The following STRN3 variants were observed in gnomAD, a reference collection of about 807,000 sequenced individuals.
The protein encoded by STRN3 is striatin-3.
In STRN3, 29 loss-of-function variants were observed where a neutral mutation model predicts 95.6. The observed-to-expected ratio is 0.30, with a 90% CI of 0.23 to 0.41. The LOEUF (loss-of-function observed/expected upper bound fraction) is 0.41. STRN3 is among the 10% of genes least tolerant of loss of function. The probability of loss-of-function intolerance (pLI) is 1.00; values close to 1 mark genes in which losing one functional copy is unlikely to be tolerated. For synonymous variants in STRN3, 331 were observed against 357.6 expected (o/e 0.93, Z 0.84); for missense variants, 890 against 972.1 (o/e 0.92, Z 1.12).
chr14:30,960,868 C>CAAAAAAAAAAAAAAAAAAAAA (rs56227331), intron 1 of STRN3, among the ~76,000 whole-genome samples: 2 of 47,614 alleles, frequency 4.2e-5, no homozygotes, highest in Non-Finnish European at 4.1e-5. Context: ...GACTCCATCT[C>CAAAAAAAAAAAAAAAAAAAAA]AAAAAAAAAA....
chr14:30,998,539 A>G (rs939178808), intron 1 of STRN3, among the ~76,000 whole-genome samples: 15 of 152,228 alleles, frequency 9.9e-5, no homozygotes, highest in Non-Finnish European at 7.3e-5. Context: ...GAGCTCAAGC[A>G]GAGTTGTAAA....
intron 1 of STRN3, among the ~76,000 whole-genome samples, chr14:30,970,305 T>C (rs1226545744): frequency 6.6e-6 from 1 of 152,178 alleles, no homozygotes; most frequent in East Asian, 1.9e-4. Flanking sequence ...AAGACCCGAG[T>C]GTCAACCAGG....
At chr14:30,923,820 C>G (rs1896942980) in intron 8 of STRN3, among the ~76,000 whole-genome samples, 1 of 152,076 alleles carries the variant, frequency 6.6e-6, no homozygotes, top group South Asian at 2.1e-4. Context: ...CAAAGAAAGT[C>G]TTAAAAGATT....
intron 1 of STRN3, among the ~76,000 whole-genome samples, chr14:30,998,556 G>A (rs557377208): frequency 6.6e-6 from 1 of 152,302 alleles, no homozygotes; most frequent in Admixed American, 6.5e-5. Flanking sequence ...TAAATTCCTG[G>A]CTGAATGTTG....
rs1883854462 is a variant in STRN3 at position 31,025,910 on chromosome 14, T to G, written c.276A>C (p.Glu92Asp). ...ACCGACCCCAACGAGGTACCTGCAG[T>G]TCGGCCCGTTCCACCTCCCAGTGCG... The part of the protein sequence containing the change: ...ERAHWEVERA[E>D]LQARIAFLQG... The change falls in exon 1 of 18, where the codon GAA becomes GAC. Residue 92 changes from glutamate to aspartate, a missense_variant. This residue lies in a region of STRN3 where 526 missense variants were observed against 526.3 expected (regional missense o/e 1.00). Coordinates refer to ENST00000357479, the MANE Select transcript of STRN3 (RefSeq NM_001083893.2). 9 of 1,600,592 alleles carry G rather than the reference T, an allele frequency of 5.6e-6. No individual in the cohort carries two copies. The highest frequency in any genetic ancestry group is 7.7e-6 in the Non-Finnish European group (9 of 1,174,072).
intron 1 of STRN3, among the ~76,000 whole-genome samples, chr14:31,019,312 AAAAT>A (rs1331304309): frequency 4.6e-5 from 7 of 152,194 alleles, no homozygotes; most frequent in Non-Finnish European, 7.3e-5. Flanking sequence ...CTGTCTCTTA[AAAAT>A]AAATAAAATA....
chr14:31,021,978 T>C (rs754523573), intron 1 of STRN3, among the ~76,000 whole-genome samples: 1 of 152,038 alleles, frequency 6.6e-6, no homozygotes, highest in Non-Finnish European at 1.5e-5. Context: ...CTTAATACTA[T>C]CAATAAAATT....
intron 1 of STRN3, among the ~76,000 whole-genome samples, chr14:31,011,762 C>T (rs2139321976): frequency 6.6e-6 from 1 of 152,188 alleles, no homozygotes; most frequent in South Asian, 2.1e-4. Context: ...CAATCCCCAA[C>T]CCTTTTTATT....
chr14:31,013,899 ATT>A (rs1883108590), intron 1 of STRN3, among the ~76,000 whole-genome samples: 1 of 119,440 alleles, frequency 8.4e-6, no homozygotes, highest in Admixed American at 8.0e-5. Flanking sequence ...TATTATTATT[ATT>A]ATTATTATTA....
In STRN3 at chr14:31,026,286, G is replaced by T. The variant is rs1219494633; in HGVS notation, c.-101C>A. 4 of 1,257,464 alleles carry T rather than the reference G, an allele frequency of 3.2e-6. No individual in the cohort carries two copies. The East Asian group carries it at 9.6e-5, about 30-fold the overall frequency. 77.9% of individuals were successfully genotyped at this position (1,257,464 alleles called of 1,614,324 possible). On this transcript the variant is annotated 5_prime_UTR_variant, in exon 1 of 18. Coordinates refer to ENST00000357479, the MANE Select transcript of STRN3 (RefSeq NM_001083893.2). Reference sequence around the variant, plus strand: ...GCTGGCTGCGGGGCGGAGGCCGGCCGGGAGAGGGGCGGGGAAGGGGTCGTT... The same window carrying T: ...GCTGGCTGCGGGGCGGAGGCCGGCCTGGAGAGGGGCGGGGAAGGGGTCGTT...
chr14:30,926,999 G>C (rs937306977), intron 8 of STRN3, among the ~76,000 whole-genome samples: 1 of 151,874 alleles, frequency 6.6e-6, no homozygotes, highest in Non-Finnish European at 1.5e-5. Flanking sequence ...GTGTACTAAG[G>C]TCCAATTAAA....
rs767833733 is a variant in STRN3 at position 30,902,597 on chromosome 14, T to G, written c.2076A>C (p.Thr692=). ...CATGAGCAGTTATTGTAACAGGAAG[T>G]GTGGGATGACTTACTACTCTGTTGA... The part of the protein sequence containing the change: ...NHINRVVSHP[T]LPVTITAHED... Residue 692 remains threonine, a synonymous_variant, in exon 16 of 18, where the codon ACA becomes ACC. Coordinates refer to ENST00000357479, the MANE Select transcript of STRN3 (RefSeq NM_001083893.2). 1 of 1,609,182 alleles carries G rather than the reference T, an allele frequency of 6.2e-7. No homozygotes were observed. The highest frequency in any genetic ancestry group is 1.1e-5 in the South Asian group (1 of 89,764).
chr14:30,919,021 C>G lies in STRN3; in HGVS notation c.1185G>C (p.Gln395His). The change falls in exon 9 of 18, where the codon CAG (glutamine) becomes CAC (histidine). Residue 395 changes from glutamine (Q) to histidine (H), a missense_variant. Coordinates refer to ENST00000357479, the MANE Select transcript of STRN3 (RefSeq NM_001083893.2). Reference protein sequence around the residue: ...LPHIPSGIINQSRSASTRMTD... With the variant: ...LPHIPSGIINHSRSASTRMTD... The stretch of plus-strand genomic sequence containing the variant: ...TCATTCTAGTAGAGGCTGACCTAGA[C>G]TGATTAATGATTCCTGAAGGGATGT... The G allele has an allele frequency of 6.2e-7, 1 of 1,612,466 alleles. No individual in the cohort carries two copies. Among genetic ancestry groups the G allele is most frequent in the South Asian group, 1.1e-5 (1 of 90,918 alleles).
chr14:31,004,801 C>T (rs1269626869), intron 1 of STRN3, among the ~76,000 whole-genome samples: 1 of 150,810 alleles, frequency 6.6e-6, no homozygotes, highest in Non-Finnish European at 1.5e-5. Flanking sequence ...TTTTTTAAAT[C>T]TTGGGGGAAA....
intron 1 of STRN3, among the ~76,000 whole-genome samples, chr14:31,022,972 A>G (rs976763790): frequency 6.6e-6 from 1 of 152,140 alleles, no homozygotes; most frequent in Admixed American, 6.6e-5. Context: ...CTTCATTTTT[A>G]AGGGGGGAAT....
intron 1 of STRN3, among the ~76,000 whole-genome samples, chr14:30,961,446 TGAAGTTGTA>T (rs1173225058): frequency 6.6e-6 from 1 of 152,178 alleles, no homozygotes; most frequent in African/African-American, 2.4e-5. Context: ...TATCGCCTAG[TGAAGTTGTA>T]GAAGTCTAGA....
chr14:31,016,450 G>A (rs558130993), intron 1 of STRN3, among the ~76,000 whole-genome samples: 22 of 152,178 alleles, frequency 1.4e-4, no homozygotes, highest in Non-Finnish European at 3.1e-4. Flanking sequence ...CATATTATAC[G>A]ATTCAAACTA....
At chr14:30,924,436 G>A (rs988328001) in intron 8 of STRN3, among the ~76,000 whole-genome samples, 10 of 151,702 alleles carry the variant, frequency 6.6e-5, no homozygotes, top group African/African-American at 1.5e-4. Flanking sequence ...CTACAGGCAT[G>A]AGCCACCACG....
Position 31,016,937 on chromosome 14 carries a change from T to C in STRN3, c.282+8967A>G, listed in dbSNP as rs184826891. On this transcript the variant is annotated intron_variant, in intron 1 of 17. Transcript: ENST00000357479. The stretch of plus-strand genomic sequence containing the variant: ...TGGGAGGCCAAGGATGGCAGATAGC[T>C]TGAGCCCAGAAGCTCAAAACCAGCC... Among the ~76,000 whole-genome samples the C allele has an allele frequency of 1.4e-4, 21 of 149,842 alleles. 2 individuals carry two copies. Among genetic ancestry groups the C allele is most frequent in the African/African-American group, 4.9e-4 (20 of 40,634 alleles).
Sources: allele counts gnomAD v4.1 joint callset (sites outside exome capture counted in the v4.1 genomes callset), GRCh38; gene constraint gnomAD v4.1.1; regional missense constraint gnomAD v4.1.1; transcripts MANE v1.5; gene names NCBI Gene and HGNC (gene_info 2026-07-23, HGNC 2026-07-21).